Variants in CRY1 observed in about 807,000 individuals in gnomAD.
CRY1 encodes the protein cryptochrome circadian regulator 1.
A neutral mutation model predicts 76.0 loss-of-function variants in CRY1; 45 were observed. The observed-to-expected ratio is 0.59, with a 90% CI of 0.47 to 0.76. The LOEUF (loss-of-function observed/expected upper bound fraction) is 0.76. Ranked by LOEUF, CRY1 falls within the 30% of genes least tolerant of loss-of-function variation. The pLI, the probability that CRY1 is intolerant of heterozygous loss-of-function variation, is 0.00. For missense variants in CRY1, 587 were observed against 716.4 expected, an observed-to-expected ratio of 0.82 and a Z score of 2.06; for synonymous variants, 248 against 244.0, an observed-to-expected ratio of 1.02 and a Z score of -0.15.
intron 2 of CRY1, among the ~76,000 whole-genome samples, chr12:107,012,787 A>G (rs1236772206): frequency 6.6e-6 from 1 of 152,182 alleles, no homozygotes; most frequent in Non-Finnish European, 1.5e-5. Context: ...CATTAACAGC[A>G]ATTTGGAAGA....
intron 10 of CRY1, among the ~76,000 whole-genome samples, chr12:106,993,627 T>C (rs140902679): frequency 6.6e-6 from 1 of 152,172 alleles, no homozygotes; most frequent in African/African-American, 2.4e-5. Flanking sequence ...TGGAAAAATA[T>C]GAGCATTCTG....
chr12:107,067,935 C>T (rs1431957368), intron 1 of CRY1, among the ~76,000 whole-genome samples: 1 of 152,226 alleles, frequency 6.6e-6, no homozygotes, highest in East Asian at 1.9e-4. Flanking sequence ...AATCATCATT[C>T]TCTTTGTATC....
Position 106,998,085 on chromosome 12 carries a change from C to T in CRY1, c.1138-19G>A, listed in dbSNP as rs370206211. 6.2e-6 allele frequency: 10 copies of T among 1,613,374 alleles called. No individual in the cohort carries two copies. The highest frequency in any genetic ancestry group is 8.5e-6 in the Non-Finnish European group (10 of 1,179,680). On this transcript the variant is annotated intron_variant, in intron 7 of 12. Coordinates refer to ENST00000008527, the MANE Select transcript of CRY1 (RefSeq NM_004075.5). ...CAAATACCTTCAGAAGTAACAGTAA[C>T]CAATTAGTTTGCACACACATAATTC...
chr12:107,011,505 C>A (rs887874883), intron 2 of CRY1, among the ~76,000 whole-genome samples: 2 of 151,734 alleles, frequency 1.3e-5, no homozygotes, highest in Non-Finnish European at 2.9e-5. Context: ...TAAAAAAAAA[C>A]AAAGCAGCCT....
In CRY1 at chr12:107,058,347, T is replaced by C. The variant is rs115776208; in HGVS notation, c.158+34457A>G. 4.0e-3 allele frequency among the ~76,000 whole-genome samples: 602 copies of C among 151,952 alleles called. 5 individuals are homozygous for C. Among genetic ancestry groups the C allele is most frequent in the African/African-American group, 0.014 (569 of 41,406 alleles). ...AACTTTAAATAGGAGTGTACAAACC[T>C]AAAGAGAGAACAAAAGTCCAAGATA... On this transcript the variant is annotated intron_variant, in intron 1 of 12. Transcript: ENST00000008527.
At chr12:107,009,314 G>T (rs142993427) in intron 2 of CRY1, among the ~76,000 whole-genome samples, 1 of 151,742 alleles carries the variant, frequency 6.6e-6, no homozygotes, top group Non-Finnish European at 1.5e-5. Context: ...TGAGGCAGGC[G>T]GATAGCCTGA....
At chr12:107,045,818 G>T (rs1398089187) in intron 1 of CRY1, among the ~76,000 whole-genome samples, 1 of 152,042 alleles carries the variant, frequency 6.6e-6, no homozygotes, top group Admixed American at 6.6e-5. Flanking sequence ...GTGGGGTGCG[G>T]GGAGCGGGGG....
intron 1 of CRY1, among the ~76,000 whole-genome samples, chr12:107,062,025 C>CAAAAAAAAAAA (rs35683352): frequency 2.1e-5 from 2 of 93,548 alleles, no homozygotes; most frequent in African/African-American, 4.7e-5. Flanking sequence ...GACCCTGTCT[C>CAAAAAAAAAAA]AAAAAAAAAA....
chr12:107,042,183 G>T, intron 1 of CRY1, among the ~76,000 whole-genome samples: 1 of 152,110 alleles, frequency 6.6e-6, no homozygotes. Context: ...CATTACAGAA[G>T]AATTCCAACT....
intron 1 of CRY1, among the ~76,000 whole-genome samples, chr12:107,040,678 CAAT>C (rs1256683025): frequency 6.6e-6 from 1 of 151,588 alleles, no homozygotes; most frequent in African/African-American, 2.4e-5. Context: ...GGGTAGATCT[CAAT>C]TATTCCTACA....
chr12:107,061,940 T>C (rs1297081408), intron 1 of CRY1, among the ~76,000 whole-genome samples: 3 of 148,836 alleles, frequency 2.0e-5, no homozygotes, highest in African/African-American at 7.5e-5. Context: ...CGAGAACTCC[T>C]TGAACCCTGG....
In CRY1 at chr12:106,992,909, T is replaced by C. The variant is rs1412242970; in HGVS notation, c.1658-19A>G. 6.2e-7 allele frequency: 1 copy of C among 1,613,906 alleles called. No individual in the cohort carries two copies. ...CTTCTTCCTGCACATTTAAAAAATGTATGTTTAAGATAGGAAAAGGAAAAA... is the reference window on the plus strand; with the variant it reads ...CTTCTTCCTGCACATTTAAAAAATGCATGTTTAAGATAGGAAAAGGAAAAA... On this transcript the variant is annotated intron_variant, in intron 11 of 12. Transcript: ENST00000008527.
intron 2 of CRY1, among the ~76,000 whole-genome samples, chr12:107,015,647 T>C (rs1490937739): frequency 5.9e-5 from 9 of 152,194 alleles, no homozygotes; most frequent in African/African-American, 1.7e-4. Flanking sequence ...AGACTGCAAA[T>C]AGCACCAACA....
intron 1 of CRY1, among the ~76,000 whole-genome samples, chr12:107,039,766 A>G (rs1565833667): frequency 6.6e-6 from 1 of 152,206 alleles, no homozygotes; most frequent in South Asian, 2.1e-4. Context: ...TTCCTAAAAA[A>G]TTTTTGAATA....
intron 1 of CRY1, among the ~76,000 whole-genome samples, chr12:107,054,663 AG>A (rs146641456): frequency 2.0e-5 from 3 of 150,838 alleles, no homozygotes; most frequent in East Asian, 1.9e-4. Flanking sequence ...AAAAAAAAAA[AG>A]GGATACAAAA....
intron 1 of CRY1, among the ~76,000 whole-genome samples, chr12:107,026,148 AT>A (rs1952609614): frequency 1.4e-5 from 1 of 70,072 alleles, no homozygotes; most frequent in African/African-American, 6.8e-5. Context: ...TATATTACAT[AT>A]ATATATAAAA....
chr12:106,999,956 CTGTT>C lies in CRY1; in HGVS notation c.807_810del (p.Thr270IlefsTer6). The C allele has an allele frequency of 6.2e-7, 1 of 1,607,880 alleles. No individual in the cohort carries two copies. Among genetic ancestry groups the C allele is most frequent in the Non-Finnish European group, 8.5e-7 (1 of 1,178,632 alleles). ...TTAGAGAATACCTTTTTGTAGAGAT[CTGTT>C]AGTTTGAAGTAAAACAGTCGACATG... On this transcript the variant is annotated frameshift_variant, in exon 6 of 13. Transcript: ENST00000008527. LOFTEE classifies it high-confidence loss of function.
intron 1 of CRY1, among the ~76,000 whole-genome samples, chr12:107,072,572 T>C (rs1193791051): frequency 6.6e-6 from 1 of 152,200 alleles, no homozygotes; most frequent in East Asian, 1.9e-4. Context: ...ATAAAAAGGA[T>C]AGGAAGTTAC....
At chr12:107,046,124 T>C (rs1952846541) in intron 1 of CRY1, among the ~76,000 whole-genome samples, 1 of 106,254 alleles carries the variant, frequency 9.4e-6, no homozygotes, top group South Asian at 3.6e-4. Flanking sequence ...AGACTCTGTC[T>C]TAAAAAAAAA....
Sources: gnomAD v4.1 joint callset for allele counts (sites outside exome capture counted in the v4.1 genomes callset) on GRCh38, gnomAD v4.1.1 for gene constraint, MANE v1.5 for transcripts, NCBI Gene and HGNC (gene_info 2026-07-23, HGNC 2026-07-21) for gene names.